Variants in NDRG2 observed in about 807,000 individuals in gnomAD.
NDRG2 encodes the protein protein NDRG2.
Under a neutral mutation model 58.2 loss-of-function variants are expected in NDRG2, and 34 were observed. The ratio of observed to expected loss-of-function variants is 0.58; its 90% CI spans 0.44 to 0.78. The LOEUF is 0.78. Among genes scored for constraint, NDRG2 ranks in the 30% least tolerant of loss-of-function variants. NDRG2 has a pLI of 0.00. For synonymous variants in NDRG2, 187 were observed against 175.9 expected (o/e 1.06, Z -0.50); for missense variants, 434 against 471.2 (o/e 0.92, Z 0.73).
At chr14:21,046,567 A>ATACC (rs1483988918) in intron 1 of NDRG2, among the ~76,000 whole-genome samples, 1 of 151,712 alleles carries the variant, frequency 6.6e-6, no homozygotes, top group Non-Finnish European at 1.5e-5. Context: ...ACATACATAC[A>ATACC]TACATACATA....
rs138477527 is a variant in NDRG2 at position 21,034,010 on chromosome 14, A to C, written c.25-10689T>G. ...GTGTGCAGTATTCATTGTAATTCTC[A>C]CAGAAGCTGTCACTATACTTGCAGA... On this transcript the variant is annotated intron_variant, in intron 1 of 14. Coordinates refer to the NDRG2 transcript ENST00000403829. 140 of 1,614,022 alleles carry C rather than the reference A, an allele frequency of 8.7e-5. No homozygotes were observed. In the African/African-American group the frequency reaches 1.7e-3, roughly 20 times the overall value.
At chr14:21,045,596 A>G (rs1288734316) in intron 1 of NDRG2, among the ~76,000 whole-genome samples, 1 of 152,122 alleles carries the variant, frequency 6.6e-6, no homozygotes, top group Non-Finnish European at 1.5e-5. Context: ...TCACAACTCT[A>G]TCTTCTTTAT....
At chr14:21,054,149 T>G (rs1281773453) in intron 1 of NDRG2, among the ~76,000 whole-genome samples, 1 of 152,160 alleles carries the variant, frequency 6.6e-6, no homozygotes, top group Non-Finnish European at 1.5e-5. Context: ...AGAGTGTAAA[T>G]TTGAGGATCA....
chr14:21,031,153 C>T (rs1473581497), intron 1 of NDRG2: 4 of 1,613,772 alleles, frequency 2.5e-6, no homozygotes, highest in Non-Finnish European at 2.5e-6. Flanking sequence ...ACCCAGCCAC[C>T]ACTGGCGCTA....
At chr14:21,040,528 T>C (rs529596162) in intron 1 of NDRG2, among the ~76,000 whole-genome samples, 34 of 152,296 alleles carry the variant, frequency 2.2e-4, no homozygotes, top group Non-Finnish European at 3.7e-4. Flanking sequence ...GACACGTTCT[T>C]TATTCATCTA....
chr14:21,020,163 G>A (rs1043315246), intron 8 of NDRG2, 187 bp from the exon 9 acceptor site: 35 of 582,038 alleles, frequency 6.0e-5, no homozygotes, highest in Non-Finnish European at 9.0e-5. Context: ...GCGTGGTGGC[G>A]GGTGCCTGTA....
rs141460933 is a variant in NDRG2, at chr14:21,051,578, G to A, written c.24+19250C>T. On this transcript the variant is annotated intron_variant, in intron 1 of 14. Transcript: ENST00000403829. ...AGGAACAAAGGGAGACAGTCCTCCC[G>A]CAGAGACAAGCTCATAGTGCAAATG... Among the ~76,000 whole-genome samples the A allele has an allele frequency of 4.0e-3, 615 of 152,016 alleles. 5 individuals carry two copies. The highest frequency in any genetic ancestry group is 0.014 in the African/African-American group (580 of 41,522).
intron 1 of NDRG2, chr14:21,043,343 G>A (rs200202565): frequency 6.2e-5 from 100 of 1,614,130 alleles, no homozygotes; most frequent in Admixed American, 1.8e-4. Flanking sequence ...GGAAGCATCC[G>A]AACTGCAGGT....
Position 21,023,223 on chromosome 14 carries a change from C to T in NDRG2, c.75+18G>A. The stretch of plus-strand genomic sequence containing the variant: ...AGGTCTGGAATTTGGGCATGGGAGT[C>T]AAACGGTCTCTAATAACCTTGGCCG... On this transcript the variant is annotated intron_variant, in intron 2 of 15. Coordinates refer to ENST00000556147, the MANE Select transcript of NDRG2 (RefSeq NM_001320329.2). 6.2e-7 allele frequency: 1 copy of T among 1,612,170 alleles called. No individual in the cohort carries two copies. Among genetic ancestry groups the T allele is most frequent in the Admixed American group, 1.7e-5 (1 of 59,934 alleles).
Position 21,070,858 on chromosome 14 carries a change from C to T in NDRG2, c.-7G>A. 6.5e-7 allele frequency: 1 copy of T among 1,535,658 alleles called. No individual in the cohort carries two copies. On this transcript the variant is annotated 5_prime_UTR_variant, in exon 1 of 15. Coordinates refer to the NDRG2 transcript ENST00000403829. This position sits in a 1 kb window ranked among gnomAD's most constrained non-coding sequence, Gnocchi z 4.7. ...TGGAACCACCATTTTCCATCCCTGTCCCCAACCCGGTGAGGCAGGCCCACC... is the reference window on the plus strand; with the variant it reads ...TGGAACCACCATTTTCCATCCCTGTTCCCAACCCGGTGAGGCAGGCCCACC...
upstream of NDRG2, chr14:21,030,283 A>G (rs1034354788): frequency 5.8e-6 from 2 of 347,130 alleles, no homozygotes; most frequent in African/African-American, 4.1e-5. Context: ...GAAGGGTCAG[A>G]CCACCATCCG....
intron 15 of NDRG2, 108 bp downstream of exon 15, chr14:21,017,879 A>G: frequency 6.2e-7 from 1 of 1,602,558 alleles, no homozygotes. Context: ...GGGATCAACG[A>G]GCTCGATTGG....
At chr14:21,045,991 A>G (rs962970125) in intron 1 of NDRG2, among the ~76,000 whole-genome samples, 23 of 152,222 alleles carry the variant, frequency 1.5e-4, no homozygotes, top group African/African-American at 5.5e-4. Flanking sequence ...AAAATAAATA[A>G]GAAAAAAAGA....
chr14:21,020,404 A>G, intron 8 of NDRG2, 92 bp downstream of exon 8: 1 of 970,684 alleles, frequency 1.0e-6, no homozygotes, highest in Non-Finnish European at 1.6e-6. Context: ...TGAAGTTCAG[A>G]GTCCATCCAG....
intron 1 of NDRG2, among the ~76,000 whole-genome samples, chr14:21,058,796 C>T (rs531389394): frequency 1.3e-5 from 2 of 152,322 alleles, no homozygotes; most frequent in South Asian, 4.2e-4. Context: ...GCTGTGTTCC[C>T]TGTGTTGGGC....
intron 1 of NDRG2, chr14:21,042,898 CTCAT>C (rs1221176815): frequency 9.7e-7 from 1 of 1,027,802 alleles, no homozygotes; most frequent in East Asian, 2.6e-5. Flanking sequence ...GGGTGACTAG[CTCAT>C]ATGAGCAGGT....
At chr14:21,046,551 ATACATAC>A (rs1885162696) in intron 1 of NDRG2, among the ~76,000 whole-genome samples, 1 of 141,944 alleles carries the variant, frequency 7.0e-6, no homozygotes, top group South Asian at 2.3e-4. Flanking sequence ...AAATACATAC[ATACATAC>A]ATACATACAT....
chr14:21,058,462 C>T, intron 1 of NDRG2: 1 of 776,748 alleles, frequency 1.3e-6, no homozygotes, highest in South Asian at 1.8e-5. Context: ...AATGCCATTT[C>T]CCTCCCACAC....
At chr14:21,023,923 C>CA (rs1369867843) in intron 1 of NDRG2, 107 bp downstream of exon 1, 9 of 975,460 alleles carry the variant, frequency 9.2e-6, no homozygotes, top group Non-Finnish European at 1.1e-5. Context: ...CCCTTCCTCC[C>CA]AACTCTGAAT....
Sources: gnomAD v4.1 joint callset for allele counts (sites outside exome capture counted in the v4.1 genomes callset) on GRCh38, gnomAD v4.1.1 for gene constraint, Gnocchi (gnomAD v3.1) non-coding constraint, MANE v1.5 for transcripts, NCBI Gene and HGNC (gene_info 2026-07-23, HGNC 2026-07-21) for gene names.